SOS1: variants seen among roughly 807,000 people sequenced by gnomAD.
SOS1 encodes son of sevenless homolog 1.
In SOS1, 25 loss-of-function variants were observed where a neutral mutation model predicts 157.6. That is an observed-to-expected ratio of 0.16 (90% confidence interval 0.12 to 0.22). The LOEUF (loss-of-function observed/expected upper bound fraction) is 0.22, where lower values mean the gene tolerates loss of function less well. SOS1 is among the 10% of genes least tolerant of loss of function. SOS1 has a pLI of 1.00. For synonymous variants in SOS1, 528 were observed against 534.0 expected, an observed-to-expected ratio of 0.99 and a Z score of 0.16; for missense variants, 1,237 against 1,599.1, an observed-to-expected ratio of 0.77 and a Z score of 3.86.
At chr2:38,998,421 T>C (rs1437926925) in intron 17 of SOS1, among the ~76,000 whole-genome samples, 1 of 152,126 alleles carries the variant, frequency 6.6e-6, no homozygotes, top group Non-Finnish European at 1.5e-5. Flanking sequence ...AGCTAATTTT[T>C]GTATTTTTTA....
chr2:39,082,621 G>A (rs377444677), intron 1 of SOS1: 1 of 152,132 alleles, frequency 6.6e-6, no homozygotes, highest in East Asian at 1.9e-4. Flanking sequence ...TACTGAAAAC[G>A]AAACGATACA....
At chr2:39,013,414 T>C (rs898560029) in intron 13 of SOS1, 46 bp downstream of exon 13, 1 of 1,051,126 alleles carries the variant, frequency 9.5e-7, no homozygotes, top group African/African-American at 1.6e-5. Flanking sequence ...ACCGTGTTGG[T>C]ACTTTTATTA....
intron 10 of SOS1, among the ~76,000 whole-genome samples, chr2:39,019,522 C>A (rs1327091250): frequency 1.3e-5 from 2 of 151,642 alleles, no homozygotes; most frequent in Non-Finnish European, 3.0e-5. Flanking sequence ...TTGGGACAAA[C>A]CCCAAAGTTC....
chr2:39,007,001 T>G (rs1200683044), intron 16 of SOS1, 30 bp downstream of exon 16: 1 of 1,493,548 alleles, frequency 6.7e-7, no homozygotes, highest in Non-Finnish European at 9.3e-7. Flanking sequence ...GGAATGAAAG[T>G]TCATTTTAAA....
chr2:39,120,297 G>C (rs761238274), intron 1 of SOS1, 39 bp downstream of exon 1: 1 of 1,537,650 alleles, frequency 6.5e-7, no homozygotes. Flanking sequence ...CCGCGCTGGG[G>C]GGCTGCGGCC....
At chr2:39,017,539 G>GT (rs1433159804) in intron 10 of SOS1, among the ~76,000 whole-genome samples, 13 of 152,084 alleles carry the variant, frequency 8.5e-5, no homozygotes, top group Admixed American at 7.9e-4. Context: ...CATGACTGTT[G>GT]TATTAGGTTC....
At chr2:39,110,226 T>C (rs1370770474) in intron 1 of SOS1, among the ~76,000 whole-genome samples, 5 of 152,162 alleles carry the variant, frequency 3.3e-5, no homozygotes. Flanking sequence ...TCCTCCCACA[T>C]ACCTTAAATC....
intron 17 of SOS1, among the ~76,000 whole-genome samples, chr2:38,998,766 A>G (rs1380800351): frequency 6.6e-6 from 1 of 152,152 alleles, no homozygotes; most frequent in African/African-American, 2.4e-5. Flanking sequence ...TTATGCTTCT[A>G]CCTTTTTCCC....
At chr2:38,997,199 T>TA in intron 18 of SOS1, 54 bp downstream of exon 18, 1 of 1,400,138 alleles carries the variant, frequency 7.1e-7, no homozygotes, top group South Asian at 1.2e-5. Flanking sequence ...TGCCTTTTAT[T>TA]AAGTAGTTTA....
At position 39,077,507 on chromosome 2, in the gene SOS1, A is replaced by T. The variant is rs947712507; in HGVS notation, c.88-9754T>A. Reference sequence around the variant, plus strand: ...AATTTTCTGAAAAATTGAGATGCTGATCCTAAATTTAGAAGAGCCAAGAAC... The same window carrying T: ...AATTTTCTGAAAAATTGAGATGCTGTTCCTAAATTTAGAAGAGCCAAGAAC... On this transcript the variant is annotated intron_variant, in intron 1 of 22. Coordinates refer to ENST00000402219, the MANE Select transcript of SOS1 (RefSeq NM_005633.4). 3.3e-5 allele frequency among the ~76,000 whole-genome samples: 5 copies of T among 152,194 alleles called. No homozygotes were observed. In the East Asian group the frequency reaches 5.8e-4, roughly 18 times the overall value.
chr2:39,057,992 T>C (rs1019935782), intron 3 of SOS1, among the ~76,000 whole-genome samples: 3 of 152,116 alleles, frequency 2.0e-5, no homozygotes, highest in Non-Finnish European at 4.4e-5. Flanking sequence ...AATAACTTTG[T>C]TGAATAATAA....
rs1016843875 is a variant in SOS1 at position 39,120,465 on chromosome 2, G to A, written c.-43C>T. ...TCTGGGCGGGGAGAGGGGCGGCGGCGGCCGGGCCAGGGAGCCGCGAGAGGG... is the reference window on the plus strand; with the variant it reads ...TCTGGGCGGGGAGAGGGGCGGCGGCAGCCGGGCCAGGGAGCCGCGAGAGGG... On this transcript the variant is annotated 5_prime_UTR_variant, in exon 1 of 23. Coordinates refer to ENST00000402219, the MANE Select transcript of SOS1 (RefSeq NM_005633.4). 2.6e-6 allele frequency: 4 copies of A among 1,522,438 alleles called. No homozygotes were observed. Among genetic ancestry groups the A allele is most frequent in the African/African-American group, 1.4e-5 (1 of 69,674 alleles). The allele number at this position is 1,522,438 out of a possible 1,614,324, so 94.3% of individuals were successfully genotyped here. A position where few individuals can be genotyped will look rare whatever the true frequency, so the allele number is the denominator to read the frequency against.
At chr2:39,062,435 T>TAAAAAAAAAAAAAAAAAA (rs397974197) in intron 2 of SOS1, among the ~76,000 whole-genome samples, 2 of 138,464 alleles carry the variant, frequency 1.4e-5, no homozygotes, top group Non-Finnish European at 1.5e-5. Flanking sequence ...AAAAAAAAAT[T>TAAAAAAAAAAAAAAAAAA]AAAAAAAAAA....
At chr2:39,115,716 G>C (rs527338865) in intron 1 of SOS1, among the ~76,000 whole-genome samples, 1 of 152,320 alleles carries the variant, frequency 6.6e-6, no homozygotes, top group East Asian at 1.9e-4. Flanking sequence ...GGGATTACAG[G>C]TGTGAGCCAC....
chr2:39,068,406 T>C (rs1169455622), intron 1 of SOS1, among the ~76,000 whole-genome samples: 2 of 152,188 alleles, frequency 1.3e-5, no homozygotes, highest in Non-Finnish European at 2.9e-5. Context: ...TATTCAACAT[T>C]CTGCTTGGGC....
chr2:39,093,475 C>A (rs1260553924), intron 1 of SOS1, among the ~76,000 whole-genome samples: 1 of 152,024 alleles, frequency 6.6e-6, no homozygotes, highest in Non-Finnish European at 1.5e-5. Flanking sequence ...AATGCCATTG[C>A]CAAGTATATA....
rs764632845 is a variant in SOS1 at position 39,120,303 on chromosome 2, C to G, written c.87+33G>C. 3.2e-6 allele frequency: 5 copies of G among 1,542,660 alleles called. No individual in the cohort carries two copies. In the African/African-American group the frequency reaches 4.2e-5, roughly 13 times the overall value. ...CCCCAGCGCCCGCGCTGGGGGGCTG[C>G]GGCCGGGAAGCGGGGTCCCGCGTGC... is the stretch of plus-strand genomic sequence containing the variant. On this transcript the variant is annotated intron_variant, in intron 1 of 22. Coordinates refer to ENST00000402219, the MANE Select transcript of SOS1 (RefSeq NM_005633.4).
At chr2:39,023,976 A>T (rs745363337) in intron 9 of SOS1, 34 bp downstream of exon 9, 2 of 1,503,460 alleles carry the variant, frequency 1.3e-6, no homozygotes, top group African/African-American at 1.4e-5. Context: ...ATATTCAGGG[A>T]AAAAAGGATA....
At chr2:39,067,563 T>C in intron 2 of SOS1, 65 bp downstream of exon 2, 1 of 1,431,186 alleles carries the variant, frequency 7.0e-7, no homozygotes, top group East Asian at 2.3e-5. Flanking sequence ...CTTTCCCTGT[T>C]CACTGACATT....
Sources: gnomAD v4.1 joint callset for allele counts (sites outside exome capture counted in the v4.1 genomes callset) on GRCh38, gnomAD v4.1.1 for gene constraint, MANE v1.5 for transcripts, NCBI Gene and HGNC (gene_info 2026-07-23, HGNC 2026-07-21) for gene names.